ADAMTSL3: variants seen among roughly 807,000 people sequenced by gnomAD.
ADAMTSL3 encodes ADAMTS-like protein 3.
A neutral mutation model predicts 201.7 loss-of-function variants in ADAMTSL3; 128 were observed. The ratio of observed to expected loss-of-function variants is 0.63; its 90% CI spans 0.55 to 0.73. The LOEUF (loss-of-function observed/expected upper bound fraction) is 0.73, where lower values mean the gene tolerates loss of function less well. Ranked by LOEUF, ADAMTSL3 falls within the 30% of genes least tolerant of loss-of-function variation. The pLI is 0.00. For missense variants in ADAMTSL3, 1,990 were observed against 2,119.6 expected (o/e 0.94, Z 1.20); for synonymous variants, 738 against 748.4 (o/e 0.99, Z 0.23).
intron 6 of ADAMTSL3, among the ~76,000 whole-genome samples, chr15:83,829,259 G>T (rs1438450497): frequency 6.6e-6 from 1 of 152,156 alleles, no homozygotes; most frequent in East Asian, 1.9e-4. Context: ...TCTTGGGAGG[G>T]TGTATGTGTC....
chr15:84,012,185 C>T (rs1211062368), intron 23 of ADAMTSL3, among the ~76,000 whole-genome samples: 3 of 152,012 alleles, frequency 2.0e-5, no homozygotes. Context: ...TAAAACAATA[C>T]CCATATATTA....
intron 2 of ADAMTSL3, among the ~76,000 whole-genome samples, chr15:83,670,283 A>G (rs922476567): frequency 1.3e-4 from 16 of 123,962 alleles, no homozygotes; most frequent in African/African-American, 4.6e-4. Flanking sequence ...AAAAAAAAAA[A>G]GAACAGAAAA....
chr15:83,809,529 C>T (rs1567159477), intron 5 of ADAMTSL3, among the ~76,000 whole-genome samples: 2 of 152,210 alleles, frequency 1.3e-5, no homozygotes, highest in Non-Finnish European at 2.9e-5. Context: ...AGCCTTCCCT[C>T]TGCTGTATTG....
rs997933972 is a variant in ADAMTSL3, at chr15:83,919,687, G to T, written c.1988-4217G>T. Among the ~76,000 whole-genome samples, 5 of 152,156 alleles carry T rather than the reference G, an allele frequency of 3.3e-5. No individual in the cohort carries two copies. The South Asian group carries it at 1.0e-3, about 32-fold the overall frequency. On this transcript the variant is annotated intron_variant, in intron 16 of 29. Transcript: ENST00000286744. ...TTGAGGCAGATCTGTGTGGGTGTGG[G>T]TGAAGGGTGGTGTTAATGTCAGAGA...
At chr15:83,810,436 T>G (rs2063674953) in intron 5 of ADAMTSL3, among the ~76,000 whole-genome samples, 1 of 152,170 alleles carries the variant, frequency 6.6e-6, no homozygotes, top group South Asian at 2.1e-4. Context: ...AACCTCAGAG[T>G]TCTACCACCT....
intron 6 of ADAMTSL3, among the ~76,000 whole-genome samples, chr15:83,822,899 G>A (rs1354282251): frequency 6.6e-6 from 1 of 151,984 alleles, no homozygotes. Context: ...CTCCAGCCTG[G>A]GCACCATTGA....
intron 6 of ADAMTSL3, among the ~76,000 whole-genome samples, chr15:83,830,031 C>T (rs4444303): frequency 0.099 from 15,071 of 152,016 alleles, 961 homozygotes; most frequent in East Asian, 0.32. Context: ...GGAAACAGAT[C>T]TTTTACGGCT....
intron 19 of ADAMTSL3, among the ~76,000 whole-genome samples, chr15:83,957,935 T>TCATGGTAGTAG (rs1175340223): frequency 2.6e-5 from 4 of 152,094 alleles, no homozygotes; most frequent in African/African-American, 9.7e-5. Flanking sequence ...TGAAGCAAAA[T>TCATGGTAGTAG]CATGGTAGTA....
chr15:83,833,416 T>C lies in ADAMTSL3; in HGVS notation c.601-4673T>C, dbSNP rs575308650. On this transcript the variant is annotated intron_variant, in intron 6 of 29. Coordinates refer to ENST00000286744, the MANE Select transcript of ADAMTSL3 (RefSeq NM_207517.3). The stretch of plus-strand genomic sequence containing the variant: ...GTATTTTTTATAAGGGTACTAATCC[T>C]ATTCATGAGGTCTCTACCCTCATGA... Among the ~76,000 whole-genome samples, 5 of 152,242 alleles carry C rather than the reference T, an allele frequency of 3.3e-5. No individual in the cohort carries two copies. In the South Asian group the frequency reaches 6.2e-4, roughly 19 times the overall value.
At chr15:83,673,593 C>A (rs1376325695) in intron 2 of ADAMTSL3, among the ~76,000 whole-genome samples, 2 of 152,110 alleles carry the variant, frequency 1.3e-5, no homozygotes, top group Non-Finnish European at 2.9e-5. Context: ...GGGGTAGTGT[C>A]CTAGATGTTA....
chr15:83,833,222 A>G (rs2064192616), intron 6 of ADAMTSL3, among the ~76,000 whole-genome samples: 1 of 152,056 alleles, frequency 6.6e-6, no homozygotes, highest in Non-Finnish European at 1.5e-5. Context: ...GCTACCATAG[A>G]TTGGGTGGCA....
intron 6 of ADAMTSL3, among the ~76,000 whole-genome samples, chr15:83,836,838 G>C (rs1183186404): frequency 6.6e-6 from 1 of 152,164 alleles, no homozygotes. Flanking sequence ...AGGGTGGTGA[G>C]TGGATCCAGG....
At chr15:84,032,852 A>C (rs1221284660) in intron 28 of ADAMTSL3, among the ~76,000 whole-genome samples, 1 of 152,208 alleles carries the variant, frequency 6.6e-6, no homozygotes, top group Non-Finnish European at 1.5e-5. Flanking sequence ...TTTATAGAGT[A>C]GATTTTTAGA....
In ADAMTSL3 at chr15:84,037,874, C is replaced by T. The variant is rs771357657; in HGVS notation, c.*68C>T. 16 of 1,526,806 alleles carry T rather than the reference C, an allele frequency of 1.0e-5. No homozygotes were observed. In the Admixed American group the frequency reaches 1.2e-4, roughly 11 times the overall value. 94.6% of individuals were successfully genotyped at this position (1,526,806 alleles called of 1,614,324 possible). A position where few individuals can be genotyped will look rare whatever the true frequency, so the allele number is the denominator to read the frequency against. On this transcript the variant is annotated 3_prime_UTR_variant, in exon 30 of 30. Transcript: ENST00000286744. ...AATATAAAAGCTCTTTTCCCCATGT[C>T]GCTGATTCAAAAACATGTATTTCTT...
chr15:83,885,441 CA>C lies in ADAMTSL3; in HGVS notation c.1072+241del, dbSNP rs1319354132. Among the ~76,000 whole-genome samples, 2,056 of 128,864 alleles carry C rather than the reference CA, an allele frequency of 0.016. 42 individuals carry two copies. The highest frequency in any genetic ancestry group is 0.053 in the African/African-American group (1,912 of 36,106). The allele number at this position is 128,864 out of a possible 152,430, so 84.5% of individuals were successfully genotyped here. A position where few individuals can be genotyped will look rare whatever the true frequency, so the allele number is the denominator to read the frequency against. ...TTGGAAAATACCTTTTACTTTTAGC[CA>C]AAAAAAAAAAACAAAACAAAACTGT... On this transcript the variant is annotated intron_variant, in intron 10 of 29. Transcript: ENST00000286744.
At chr15:83,872,627 C>CACACACACACACAGAGAG (rs6145659) in intron 9 of ADAMTSL3, among the ~76,000 whole-genome samples, 1,643 of 140,982 alleles carry the variant, frequency 0.012, 11 homozygotes, top group Non-Finnish European at 0.017. Context: ...CACACACACA[C>CACACACACACACAGAGAG]AGAGTTTTTG....
intron 19 of ADAMTSL3, 127 bp from the exon 20 acceptor site, chr15:83,970,357 A>G (rs1462188436): frequency 9.6e-7 from 1 of 1,039,464 alleles, no homozygotes; most frequent in African/African-American, 1.6e-5. Context: ...AGCCTAGGAA[A>G]TGGCTTTCTT....
chr15:83,697,408 G>A (rs991128136), intron 2 of ADAMTSL3, among the ~76,000 whole-genome samples: 7 of 152,020 alleles, frequency 4.6e-5, no homozygotes, highest in African/African-American at 1.7e-4. Context: ...GACCCCACAG[G>A]TTAAGGGCTC....
chr15:83,940,967 A>C (rs992561688), intron 17 of ADAMTSL3, among the ~76,000 whole-genome samples: 1 of 152,010 alleles, frequency 6.6e-6, no homozygotes, highest in Non-Finnish European at 1.5e-5. Context: ...AAAGTTATCT[A>C]TTTTACCCAT....
Sources: allele counts gnomAD v4.1 joint callset (sites outside exome capture counted in the v4.1 genomes callset), GRCh38; gene constraint gnomAD v4.1.1; transcripts MANE v1.5; gene names NCBI Gene and HGNC (gene_info 2026-07-23, HGNC 2026-07-21).